Variants in YY1AP1 observed in about 807,000 individuals in gnomAD.
YY1AP1 encodes the protein YY1 associated protein 1.
Under a neutral mutation model 39.9 loss-of-function variants are expected in YY1AP1, and 43 were observed. That is an observed-to-expected ratio of 1.08 (90% CI 0.84 to 1.39). YY1AP1 has a LOEUF of 1.39. Ranked by LOEUF, YY1AP1 falls within the 40% of genes most tolerant of loss-of-function variation. The pLI is 0.00. For missense variants in YY1AP1, 813 were observed against 900.7 expected (o/e 0.90, Z 1.25); for synonymous variants, 292 against 331.3 (o/e 0.88, Z 1.29).
Position 155,660,003 on chromosome 1 carries a change from T to G in YY1AP1, c.1907A>C (p.His636Pro), listed in dbSNP as rs756306553. Reference protein sequence around the residue: ...PIPSTPEDKAHMNVDIACAVA... With the variant: ...PIPSTPEDKAPMNVDIACAVA... ...AGCACAAGCAATGTCCACATTCATG[T>G]GGGCCTTATCTTCAGGGGTGGATGG... The change falls in exon 11 of 11, where the codon CAC (histidine) becomes CCC (proline). Residue 636 changes from histidine to proline, a missense_variant. Coordinates refer to ENST00000355499, the MANE Select transcript of YY1AP1 (RefSeq NM_139119.3). The G allele has an allele frequency of 3.1e-6, 5 of 1,614,102 alleles. No individual in the cohort carries two copies. Among genetic ancestry groups the G allele is most frequent in the Non-Finnish European group, 4.2e-6 (5 of 1,180,048 alleles).
At chr1:155,680,289 C>T in intron 3 of YY1AP1, 127 bp downstream of exon 3, 1 of 1,030,010 alleles carries the variant, frequency 9.7e-7, no homozygotes. Flanking sequence ...ATATTCTTTC[C>T]CAGGTAGACT....
chr1:155,668,528 T>C, intron 9 of YY1AP1, 99 bp downstream of exon 9: 1 of 1,580,760 alleles, frequency 6.3e-7, no homozygotes, highest in South Asian at 1.1e-5. Context: ...AAATTAGCTT[T>C]AGATAAAAGA....
chr1:155,673,464 A>G (rs962564364), intron 6 of YY1AP1, among the ~76,000 whole-genome samples: 16 of 152,212 alleles, frequency 1.1e-4, no homozygotes, highest in African/African-American at 3.9e-4. Context: ...TGTACTCTTC[A>G]AAATCCAAAG....
Position 155,682,707 on chromosome 1 carries a change from AG to A in YY1AP1, c.-20-2252del, listed in dbSNP as rs1442062149. Among the ~76,000 whole-genome samples, 3 of 152,308 alleles carry A rather than the reference AG, an allele frequency of 2.0e-5. No homozygotes were observed. The East Asian group carries it at 5.8e-4, about 29-fold the overall frequency. On this transcript the variant is annotated intron_variant, in intron 2 of 10. Coordinates refer to ENST00000355499, the MANE Select transcript of YY1AP1 (RefSeq NM_139119.3). ...AGGATTTAATCCACTGACATCCCAAAGGACAAACTATCCAATGGAATTCCTG... is the reference window on the plus strand; with the variant it reads ...AGGATTTAATCCACTGACATCCCAAAGACAAACTATCCAATGGAATTCCTG...
Position 155,660,461 on chromosome 1 carries a change from C to T in YY1AP1, c.1449G>A (p.Leu483=), listed in dbSNP as rs777895289. Residue 483 remains leucine (L), a synonymous_variant, in exon 11 of 11, where the codon CTG becomes CTA. Transcript: ENST00000355499. ...GGESFESPAA[L]PAMPPEARTS... is the part of the protein sequence containing the mutation. ...TCCTGGCCTCAGGGGGCATAGCAGG[C>T]AGTGCTGCAGGAGACTCAAAACTCT... The T allele has an allele frequency of 1.1e-5, 17 of 1,614,100 alleles. No individual in the cohort carries two copies. Among genetic ancestry groups the T allele is most frequent in the Admixed American group, 1.7e-5 (1 of 60,014 alleles).
At chr1:155,663,548 G>A (rs1453824954) in intron 9 of YY1AP1, among the ~76,000 whole-genome samples, 10 of 151,458 alleles carry the variant, frequency 6.6e-5, no homozygotes, top group Admixed American at 3.9e-4. Context: ...GTGAAACCCC[G>A]TCTCTACTAA....
intron 10 of YY1AP1, 146 bp downstream of exon 10, chr1:155,661,161 A>G: frequency 6.3e-7 from 1 of 1,582,750 alleles, no homozygotes; most frequent in Non-Finnish European, 8.6e-7. Context: ...AGGGCAGAAA[A>G]GTAAGGGAAG....
At position 155,659,704 on chromosome 1, in the gene YY1AP1, T is replaced by C. The variant is rs1647721818; in HGVS notation, c.2206A>G (p.Lys736Glu). The C allele has an allele frequency of 1.2e-6, 2 of 1,614,208 alleles. No individual in the cohort carries two copies. Among genetic ancestry groups the C allele is most frequent in the East Asian group, 4.5e-5 (2 of 44,882 alleles). Residue 736 changes from lysine (K) to glutamate (E), a missense_variant, in exon 11 of 11, where the codon AAG becomes GAG. Transcript: ENST00000355499. ...TCTGTAGCATCTTCAGGTTCCATCTTGACAACTTCCTCTAAATCCCCAGGG... is the reference window on the plus strand; with the variant it reads ...TCTGTAGCATCTTCAGGTTCCATCTCGACAACTTCCTCTAAATCCCCAGGG... The part of the protein sequence containing the change: ...SSPGDLEEVV[K>E]MEPEDATEEI...
At chr1:155,684,837 C>T (rs1359565204) in intron 2 of YY1AP1, among the ~76,000 whole-genome samples, 3 of 152,146 alleles carry the variant, frequency 2.0e-5, no homozygotes, top group African/African-American at 7.2e-5. Flanking sequence ...CCATCCGCCT[C>T]GTCCTCCCAA....
chr1:155,688,493 C>T, intron 1 of YY1AP1, 166 bp downstream of exon 1: 1 of 1,549,042 alleles, frequency 6.5e-7, no homozygotes, highest in Non-Finnish European at 8.7e-7. Context: ...CGCACGCGTA[C>T]GAGTGTCTAC....
At chr1:155,685,376 T>G (rs1229107708) in intron 2 of YY1AP1, among the ~76,000 whole-genome samples, 1 of 152,208 alleles carries the variant, frequency 6.6e-6, no homozygotes, top group Non-Finnish European at 1.5e-5. Context: ...ATATATTAAT[T>G]ATCTTTGTGT....
At position 155,670,656 on chromosome 1, in the gene YY1AP1, C is replaced by T. The variant is rs141503954; in HGVS notation, c.584-192G>A. On this transcript the variant is annotated intron_variant, in intron 7 of 10. Coordinates refer to ENST00000355499, the MANE Select transcript of YY1AP1 (RefSeq NM_139119.3). ...CATTAGGTCTAAAGGGAGTCCCATT[C>T]ACTGGCAATAAAAGTTGACTTTTTT... 2.7e-5 allele frequency: 15 copies of T among 563,740 alleles called. No individual in the cohort carries two copies. In the Admixed American group the frequency reaches 3.0e-4, roughly 11 times the overall value. 34.9% of individuals were successfully genotyped at this position (563,740 alleles called of 1,614,324 possible).
Position 155,660,733 on chromosome 1 carries a change from TCA to T in YY1AP1, c.1175_1176del (p.Leu392GlnfsTer83). On this transcript the variant is annotated frameshift_variant, in exon 11 of 11. Transcript: ENST00000355499. LOFTEE classifies it low-confidence loss of function (END_TRUNC). ...TTGGGGAAACGGTCGGCAACTGGCT[TCA>T]GTTTCAGGACTACACCCTTAGGCAA... ...LLLPKGVVLK[L>X]KPVADRFPKK... 1 of 1,614,240 alleles carries T rather than the reference TCA, an allele frequency of 6.2e-7. No homozygotes were observed. The highest frequency in any genetic ancestry group is 8.5e-7 in the Non-Finnish European group (1 of 1,180,046).
intron 6 of YY1AP1, among the ~76,000 whole-genome samples, chr1:155,674,197 C>G (rs1049267836): frequency 2.7e-5 from 4 of 149,354 alleles, no homozygotes; most frequent in Non-Finnish European, 5.9e-5. Flanking sequence ...CTCAAAATAC[C>G]TCAAAACGTC....
chr1:155,680,092 G>A (rs1192159772), intron 3 of YY1AP1: 1 of 253,418 alleles, frequency 3.9e-6, no homozygotes, highest in East Asian at 1.1e-4. Flanking sequence ...TGAGAGAATT[G>A]TTTTGAGCCC....
chr1:155,663,839 C>T (rs1365137726), intron 9 of YY1AP1, among the ~76,000 whole-genome samples: 1 of 151,898 alleles, frequency 6.6e-6, no homozygotes, highest in African/African-American at 2.4e-5. Context: ...AAGGAAAAAT[C>T]CTGCATGCTG....
At chr1:155,671,107 C>T (rs979522527) in intron 7 of YY1AP1, 1 of 152,322 alleles carries the variant, frequency 6.6e-6, no homozygotes, top group African/African-American at 2.4e-5. Flanking sequence ...TGAAGGATAA[C>T]AGACCTTCAA....
At chr1:155,673,163 A>T (rs1361435112) in intron 6 of YY1AP1, among the ~76,000 whole-genome samples, 2 of 151,824 alleles carry the variant, frequency 1.3e-5, no homozygotes, top group African/African-American at 4.8e-5. Context: ...CTATAGGCAT[A>T]CACCTCCAAA....
rs181880254 is a variant in YY1AP1, at chr1:155,674,999, T to C, written c.411+11A>G. The C allele has an allele frequency of 1.5e-4, 244 of 1,610,382 alleles. 2 individuals carry two copies. In the African/African-American group the frequency reaches 2.4e-3, roughly 16 times the overall value. On this transcript the variant is annotated intron_variant, in intron 6 of 10. Coordinates refer to ENST00000355499, the MANE Select transcript of YY1AP1 (RefSeq NM_139119.3). ...TCTAGTCTATAGAATTACGGCAATT[T>C]GGAAACTTACAAGACATATCCTGGT...
Sources: allele counts gnomAD v4.1 joint callset (sites outside exome capture counted in the v4.1 genomes callset), GRCh38; gene constraint gnomAD v4.1.1; transcripts MANE v1.5; gene names NCBI Gene and HGNC (gene_info 2026-07-23, HGNC 2026-07-21).